PARVG: variants seen among roughly 807,000 people sequenced by gnomAD.
The protein encoded by PARVG is parvin gamma.
In PARVG, 36 loss-of-function variants were observed where a neutral mutation model predicts 44.4. The ratio of observed to expected loss-of-function variants is 0.81; its 90% CI spans 0.62 to 1.07. The LOEUF (loss-of-function observed/expected upper bound fraction) is 1.07, where lower values mean the gene tolerates loss of function less well. PARVG is among the 50% of genes least tolerant of loss of function. The pLI is 0.00. For synonymous variants in PARVG, 170 were observed against 174.1 expected (o/e 0.98, Z 0.19); for missense variants, 407 against 407.4 (o/e 1.00, Z 0.01).
At chr22:44,193,757 T>G (rs780099497) in intron 8 of PARVG, 44 bp from the exon 9 acceptor site, 4 of 1,439,906 alleles carry the variant, frequency 2.8e-6, no homozygotes, top group Non-Finnish European at 2.8e-6. Flanking sequence ...TTGCGGGGTG[T>G]TTTTTTTTTA....
At chr22:44,194,462 T>C (rs749695638) in intron 9 of PARVG, among the ~76,000 whole-genome samples, 10 of 152,196 alleles carry the variant, frequency 6.6e-5, no homozygotes, top group Non-Finnish European at 1.5e-4. Context: ...CATTCATCTA[T>C]CTACTTACCC....
chr22:44,201,165 C>A (rs889246358), intron 12 of PARVG, among the ~76,000 whole-genome samples: 2 of 152,190 alleles, frequency 1.3e-5, no homozygotes, highest in African/African-American at 4.8e-5. Flanking sequence ...GCTCTGCCCA[C>A]CTTCTCAGCT....
Position 44,185,849 on chromosome 22 carries a change from C to T in PARVG, c.121C>T (p.Pro41Ser). Residue 41 changes from proline (P) to serine (S), a missense_variant, in exon 4 of 14, where the codon CCC becomes TCC. By Grantham distance (74) the Pro-to-Ser change is moderately conservative (BLOSUM62 -1). Coordinates refer to ENST00000444313, the MANE Select transcript of PARVG (RefSeq NM_022141.7). ...CCTGCCACCCACTTCCCGGAAGGACCCCAAATTTGAAGAACTGCAGAAGGT... is the reference window on the plus strand; with the variant it reads ...CCTGCCACCCACTTCCCGGAAGGACTCCAAATTTGAAGAACTGCAGAAGGT... ...KYLPPTSRKD[P>S]KFEELQKVLM... is the part of the protein sequence containing the mutation. 7 of 1,613,646 alleles carry T rather than the reference C, an allele frequency of 4.3e-6. No individual in the cohort carries two copies. The highest frequency in any genetic ancestry group is 5.9e-6 in the Non-Finnish European group (7 of 1,179,750).
rs2054783409 is a variant in PARVG, at chr22:44,206,461, C to T, written c.*35C>T. ...CCTCCAAAGCCCAGAGCCTGCCTGTCAGCCCAGCTGGAGGGCCCGAGGCTG... is the reference window on the plus strand; with the variant it reads ...CCTCCAAAGCCCAGAGCCTGCCTGTTAGCCCAGCTGGAGGGCCCGAGGCTG... On this transcript the variant is annotated 3_prime_UTR_variant, in exon 14 of 14. Transcript: ENST00000444313. 3.8e-6 allele frequency: 6 copies of T among 1,599,224 alleles called. No individual in the cohort carries two copies. Among genetic ancestry groups the T allele is most frequent in the Non-Finnish European group, 5.1e-6 (6 of 1,166,766 alleles).
chr22:44,189,009 C>G (rs1411434621), intron 5 of PARVG, 105 bp from the exon 6 acceptor site: 4 of 1,481,390 alleles, frequency 2.7e-6, no homozygotes, highest in Non-Finnish European at 2.8e-6. Flanking sequence ...TCTCCAGACC[C>G]ATGTTCCCTG....
At chr22:44,184,408 G>A (rs529192044) in intron 3 of PARVG, 2 of 152,150 alleles carry the variant, frequency 1.3e-5, no homozygotes, top group South Asian at 2.1e-4. Context: ...CCAGGATCTC[G>A]GCTCACTGCA....
rs921871978 is a variant in PARVG, at chr22:44,181,013, C to G, written c.-361C>G. ...TCGAACCCTGCTATGCCTTTGCATA[C>G]GCTGTTTTCTCCACCTGCCACGTTC... On this transcript the variant is annotated 5_prime_UTR_variant, in exon 1 of 14. Coordinates refer to ENST00000444313, the MANE Select transcript of PARVG (RefSeq NM_022141.7). 2.0e-6 allele frequency: 2 copies of G among 980,518 alleles called. No individual in the cohort carries two copies. Among genetic ancestry groups the G allele is most frequent in the Non-Finnish European group, 2.4e-6 (2 of 825,494 alleles). The allele number at this position is 980,518 out of a possible 1,614,324, so 60.7% of individuals were successfully genotyped here. A position where few individuals can be genotyped will look rare whatever the true frequency, so the allele number is the denominator to read the frequency against.
rs764107223 is a variant in PARVG at position 44,196,159 on chromosome 22, C to T, written c.588C>T (p.Asp196=). The change falls in exon 10 of 14, where the codon GAC becomes GAT. Residue 196 remains aspartate, a synonymous_variant. Coordinates refer to ENST00000444313, the MANE Select transcript of PARVG (RefSeq NM_022141.7). ...YSTDKDEPPK[D]VFDELFKLAP... is the part of the protein sequence containing the mutation. ...TTATTGGATCTGTGTCTGCAGAGGA[C>T]GTCTTTGATGAATTATTTAAGCTGG... 1.1e-5 allele frequency: 17 copies of T among 1,614,130 alleles called. No homozygotes were observed. The highest frequency in any genetic ancestry group is 2.7e-5 in the African/African-American group (2 of 75,046).
chr22:44,196,000 C>T, intron 9 of PARVG, 155 bp from the exon 10 acceptor site: 1 of 760,338 alleles, frequency 1.3e-6, no homozygotes, highest in Non-Finnish European at 2.1e-6. Context: ...AGCAGTGACT[C>T]AAATCCAGGT....
At chr22:44,183,281 T>C in intron 2 of PARVG, 37 bp from the exon 3 acceptor site, 1 of 1,557,146 alleles carries the variant, frequency 6.4e-7, no homozygotes, top group Non-Finnish European at 8.7e-7. Context: ...TTGGGGCTTC[T>C]CAGACCGTGA....
In PARVG at chr22:44,183,362, G is replaced by A. The variant is rs759410417; in HGVS notation, c.33G>A (p.Gln11=). ...CGGAGTTCTTGTACGACCTGCTGCA[G>A]CTCCCCAAGGGGGTGGAGCCCCCAG... MEPEFLYDLL[Q]LPKGVEPPAE... Residue 11 remains glutamine, a synonymous_variant, in exon 3 of 14, where the codon CAG becomes CAA. Transcript: ENST00000444313. 3.1e-6 allele frequency: 5 copies of A among 1,610,334 alleles called. No individual in the cohort carries two copies. The highest frequency in any genetic ancestry group is 4.2e-6 in the Non-Finnish European group (5 of 1,178,994).
intron 7 of PARVG, among the ~76,000 whole-genome samples, chr22:44,191,142 A>AT (rs1396790675): frequency 3.3e-5 from 5 of 152,050 alleles, no homozygotes; most frequent in African/African-American, 9.7e-5. Context: ...CCACCCTCAG[A>AT]TGTTCTGTCT....
intron 11 of PARVG, among the ~76,000 whole-genome samples, chr22:44,197,783 G>A (rs1435531199): frequency 6.6e-6 from 1 of 152,136 alleles, no homozygotes; most frequent in African/African-American, 2.4e-5. Flanking sequence ...CACGTGTTTG[G>A]TATATTACCT....
At chr22:44,176,065 T>G (rs1413559174), upstream of PARVG, among the ~76,000 whole-genome samples, 1 of 152,184 alleles carries the variant, frequency 6.6e-6, no homozygotes, top group Non-Finnish European at 1.5e-5. Flanking sequence ...TGGAATGTAG[T>G]GCTAGATTTC....
chr22:44,198,230 A>G (rs1300267369), intron 11 of PARVG, among the ~76,000 whole-genome samples: 1 of 152,246 alleles, frequency 6.6e-6, no homozygotes, highest in Non-Finnish European at 1.5e-5. Flanking sequence ...CAGACAGAAC[A>G]GACAGAAATA....
upstream of PARVG, among the ~76,000 whole-genome samples, chr22:44,179,271 G>T (rs140181076): frequency 6.6e-6 from 1 of 152,258 alleles, no homozygotes; most frequent in East Asian, 1.9e-4. This position sits in a 1 kb window ranked among gnomAD's most constrained non-coding sequence, Gnocchi z 4.2. Context: ...CACACAAGAG[G>T]CTTTGTGAGT....
chr22:44,189,025 C>A, intron 5 of PARVG, 89 bp from the exon 6 acceptor site: 2 of 1,553,132 alleles, frequency 1.3e-6, no homozygotes, highest in South Asian at 1.2e-5. Context: ...CCCTGAAGCA[C>A]CAGGCAGGCT....
chr22:44,192,074 A>T lies in PARVG; in HGVS notation c.530A>T (p.Glu177Val). ...AGCACCAAAAGTGGTCTGAAGTCAG[A>T]GAAGTTGGTGGAACAGCTCACTGAA... ...IESTKSGLKS[E>V]KLVEQLTEYS... The change falls in exon 8 of 14, where the codon GAG becomes GTG. Residue 177 changes from glutamate to valine, a missense_variant. Physicochemically the swap from Glu to Val is moderately radical, Grantham distance 121 (BLOSUM62 -2). Coordinates refer to ENST00000444313, the MANE Select transcript of PARVG (RefSeq NM_022141.7). 1.9e-6 allele frequency: 3 copies of T among 1,612,306 alleles called. No individual in the cohort carries two copies. The highest frequency in any genetic ancestry group is 2.5e-6 in the Non-Finnish European group (3 of 1,179,146).
At chr22:44,205,713 GGCT>G in intron 12 of PARVG, 41 bp from the exon 13 acceptor site, 1 of 1,610,262 alleles carries the variant, frequency 6.2e-7, no homozygotes, top group Non-Finnish European at 8.5e-7. Flanking sequence ...CCTGGCCTGG[GGCT>G]GCTGCTTGTG....
Sources: allele counts gnomAD v4.1 joint callset (sites outside exome capture counted in the v4.1 genomes callset), GRCh38; gene constraint gnomAD v4.1.1; non-coding constraint Gnocchi (gnomAD v3.1); transcripts MANE v1.5; gene names NCBI Gene and HGNC (gene_info 2026-07-23, HGNC 2026-07-21).